The following ADGRL1 variants were observed in gnomAD, a reference collection of about 807,000 sequenced individuals.
The protein encoded by ADGRL1 is CIRL-1.
In ADGRL1, 31 loss-of-function variants were observed where a neutral mutation model predicts 148.9. The ratio of observed to expected loss-of-function variants is 0.21; its 90% CI spans 0.16 to 0.28. ADGRL1 has a LOEUF of 0.28. Among genes scored for constraint, ADGRL1 ranks in the 10% least tolerant of loss-of-function variants. The pLI is 1.00. For synonymous variants in ADGRL1, 937 were observed against 900.3 expected (o/e 1.04, Z -0.73); for missense variants, 1,521 against 2,058.8 (o/e 0.74, Z 5.05).
chr19:14,151,022 A>C lies in ADGRL1; in HGVS notation c.4261T>G (p.Ser1421Ala). 1 of 1,171,130 alleles carries C rather than the reference A, an allele frequency of 8.5e-7. No individual in the cohort carries two copies. The highest frequency in any genetic ancestry group is 1.1e-6 in the Non-Finnish European group (1 of 929,040). 72.5% of individuals were successfully genotyped at this position (1,171,130 alleles called of 1,614,324 possible). Reference sequence around the variant, plus strand: ...CGGGCCACCAGGGCTGGCGGGCGCGAGGTGTAGTAGATTTCGGGGGGGCCG... The same window carrying C: ...CGGGCCACCAGGGCTGGCGGGCGCGCGGTGTAGTAGATTTCGGGGGGGCCG... ...PPGPPEIYYT[S>A]RPPALVARNP... Residue 1421 changes from serine to alanine, a missense_variant, in exon 23 of 23, where the codon TCG becomes GCG. Around this residue, in one of 8 missense-constraint regions of ADGRL1, gnomAD observed 390 missense variants for 375.0 expected, o/e 1.04. Coordinates refer to ENST00000361434, the MANE Select transcript of ADGRL1 (RefSeq NM_014921.5).
chr19:14,160,812 G>C lies in ADGRL1; in HGVS notation c.1511-116C>G. The C allele has an allele frequency of 1.4e-6, 1 of 712,570 alleles. No individual in the cohort carries two copies. The highest frequency in any genetic ancestry group is 2.6e-6 in the Non-Finnish European group (1 of 391,604). 44.1% of individuals were successfully genotyped at this position (712,570 alleles called of 1,614,324 possible). ...TGGGGGACGAGCGGGCGAAGAGGGA[G>C]GTGAGGGAAACACGGAGAAACAGAC... On this transcript the variant is annotated intron_variant, in intron 6 of 22. Transcript: ENST00000361434. This position sits in a 1 kb window ranked among gnomAD's most constrained non-coding sequence, Gnocchi z 5.9.
At chr19:14,202,084 C>G (rs74183067) in intron 1 of ADGRL1, among the ~76,000 whole-genome samples, 25,559 of 151,794 alleles carry the variant, frequency 0.17, 2,465 homozygotes, top group Non-Finnish European at 0.22. Flanking sequence ...GCACACTGGA[C>G]GAGCAACGAG....
intron 3 of ADGRL1, among the ~76,000 whole-genome samples, chr19:14,171,439 C>T (rs538308925): frequency 7.2e-5 from 11 of 152,194 alleles, no homozygotes; most frequent in East Asian, 1.9e-4. Context: ...AGGAGTCACC[C>T]GCTAAACAGT....
chr19:14,199,083 G>A (rs1278950424), intron 1 of ADGRL1, among the ~76,000 whole-genome samples: 1 of 152,216 alleles, frequency 6.6e-6, no homozygotes, highest in East Asian at 1.9e-4. Flanking sequence ...GGGGCATGGT[G>A]CCTAGCAGGG....
intron 4 of ADGRL1, among the ~76,000 whole-genome samples, chr19:14,164,920 CCAGGGCGAGGGCA>C (rs1202649650): frequency 1.6e-4 from 25 of 152,254 alleles, no homozygotes; most frequent in Middle Eastern, 3.4e-3. Context: ...CACACATAGG[CCAGGGCGAGGGCA>C]CAGGGCGAGG....
intron 1 of ADGRL1, among the ~76,000 whole-genome samples, chr19:14,187,605 C>T (rs1317640784): frequency 6.7e-6 from 1 of 149,072 alleles, no homozygotes; most frequent in Non-Finnish European, 1.5e-5. Flanking sequence ...CGCGTCTCCC[C>T]CCACATCCCT....
At position 14,160,835 on chromosome 19, in the gene ADGRL1, G is replaced by T. The variant is rs755059615; in HGVS notation, c.1511-139C>A. 2.3e-5 allele frequency: 16 copies of T among 686,284 alleles called. No homozygotes were observed. The highest frequency in any genetic ancestry group is 1.1e-5 in the Non-Finnish European group (4 of 377,212). 42.5% of individuals were successfully genotyped at this position (686,284 alleles called of 1,614,324 possible). On this transcript the variant is annotated intron_variant, in intron 6 of 22. Coordinates refer to ENST00000361434, the MANE Select transcript of ADGRL1 (RefSeq NM_014921.5). The surrounding 1 kb of genome is among the most constrained non-coding windows in gnomAD (Gnocchi z 5.9). ...GAGGTGAGGGAAACACGGAGAAACA[G>T]ACATGAAGCGGGCTGGACAGTCGAA...
chr19:14,195,288 C>T (rs1156712550), intron 1 of ADGRL1, among the ~76,000 whole-genome samples: 5 of 152,222 alleles, frequency 3.3e-5, no homozygotes, highest in South Asian at 2.1e-4. Context: ...AGGGTCGGTG[C>T]GGCAGGGTGG....
intron 1 of ADGRL1, among the ~76,000 whole-genome samples, chr19:14,184,646 A>ATTTATTTTTTTT (rs1555790748): frequency 4.1e-5 from 4 of 97,732 alleles, no homozygotes; most frequent in South Asian, 3.5e-4. Context: ...TTATTTATTT[A>ATTTATTTTTTTT]TTTTTTTTTC....
chr19:14,181,950 C>CT (rs1394135068), intron 2 of ADGRL1, among the ~76,000 whole-genome samples: 1 of 152,160 alleles, frequency 6.6e-6, no homozygotes. Flanking sequence ...AAGGAAGGGA[C>CT]ATGTTCTGAG....
At position 14,163,052 on chromosome 19, in the gene ADGRL1, T is replaced by A; in HGVS notation, c.749A>T (p.His250Leu). The A allele has an allele frequency of 6.2e-7, 1 of 1,614,110 alleles. No individual in the cohort carries two copies. The highest frequency in any genetic ancestry group is 8.5e-7 in the Non-Finnish European group (1 of 1,180,032). Residue 250 changes from histidine to leucine, a missense_variant, in exon 5 of 23, where the codon CAT (histidine) becomes CTT (leucine). Physicochemically the swap from His to Leu is moderately conservative, Grantham distance 99 (BLOSUM62 -3). Coordinates refer to ENST00000361434, the MANE Select transcript of ADGRL1 (RefSeq NM_014921.5). ...GCCCCAGCGGTAGGGCGAGGTGTCA[T>A]GGTAGTTGGCGGTATTGATGACCGT... ...GETVINTANY[H>L]DTSPYRWGGK...
At chr19:14,163,495 A>G (rs1349627248) in intron 4 of ADGRL1, 89 bp from the exon 5 acceptor site, 27 of 861,904 alleles carry the variant, frequency 3.1e-5, no homozygotes, top group African/African-American at 2.8e-4. Context: ...AGAGAGAGAG[A>G]GAGGGGGGAG....
At position 14,161,415 on chromosome 19, in the gene ADGRL1, C is replaced by A; in HGVS notation, c.1407G>T (p.Val469=). The A allele has an allele frequency of 1.9e-6, 3 of 1,548,748 alleles. No homozygotes were observed. The highest frequency in any genetic ancestry group is 2.4e-5 in the South Asian group (2 of 82,764). Residue 469 remains valine, a synonymous_variant, in exon 6 of 23, where the codon GTG becomes GTT. Transcript: ENST00000361434. The surrounding 1 kb of genome is among the most constrained non-coding windows in gnomAD (Gnocchi z 4.4). Reference sequence around the variant, plus strand: ...GGGGCTCGCAGAAGAGCTCAGGGGACACGTGTAGATTCGGGGCTGGGGGCC... The same window carrying A: ...GGGGCTCGCAGAAGAGCTCAGGGGAAACGTGTAGATTCGGGGCTGGGGGCC... The part of the protein sequence containing the change: ...TRRPPAPNLH[V]SPELFCEPRE...
intron 1 of ADGRL1, among the ~76,000 whole-genome samples, chr19:14,185,626 C>T (rs114097874): frequency 0.01 from 1,592 of 152,262 alleles, 25 homozygotes; most frequent in African/African-American, 0.036. Context: ...GGCCCTGAAG[C>T]GTGGGAACCC....
In ADGRL1 at chr19:14,163,135, CTTG is replaced by C. The variant is rs772061920; in HGVS notation, c.663_665del (p.Asn221del). 6.2e-7 allele frequency: 1 copy of C among 1,614,038 alleles called. No homozygotes were observed. Among genetic ancestry groups the C allele is most frequent in the Non-Finnish European group, 8.5e-7 (1 of 1,180,030 alleles). On this transcript the variant is annotated inframe_deletion, in exon 5 of 23. Coordinates refer to ENST00000361434, the MANE Select transcript of ADGRL1 (RefSeq NM_014921.5). ...ACTTGACGATGTTGCGCGTGCGCTC[CTTG>C]TTGTAGAAGACGGCACCATCGTAGA...
rs549289754 is a variant in ADGRL1 at position 14,148,079 on chromosome 19, G to C, written c.*2794C>G. 1 of 152,952 alleles carries C rather than the reference G, an allele frequency of 6.5e-6. No individual in the cohort carries two copies. Among genetic ancestry groups the C allele is most frequent in the East Asian group, 1.9e-4 (1 of 5,172 alleles). The allele number at this position is 152,952 out of a possible 1,614,324, so 9.5% of individuals were successfully genotyped here. On this transcript the variant is annotated 3_prime_UTR_variant, in exon 23 of 23. Coordinates refer to ENST00000361434, the MANE Select transcript of ADGRL1 (RefSeq NM_014921.5). Reference sequence around the variant, plus strand: ...AAAGAAACCAAAATCCAGAGAAAAAGAATTAACAAGATTTAGGAGCAAACG... The same window carrying C: ...AAAGAAACCAAAATCCAGAGAAAAACAATTAACAAGATTTAGGAGCAAACG...
rs950079580 is a variant in ADGRL1, at chr19:14,149,343, CT to C, written c.*1529del. ...GGAAGGTGATCTCTCACCTTTGCCC[CT>C]CCCCATCCCCCAGACCGCCTTGCCG... is the stretch of plus-strand genomic sequence containing the variant. On this transcript the variant is annotated 3_prime_UTR_variant, in exon 23 of 23. Coordinates refer to ENST00000361434, the MANE Select transcript of ADGRL1 (RefSeq NM_014921.5). 69 of 152,688 alleles carry C rather than the reference CT, an allele frequency of 4.5e-4. No homozygotes were observed. Among genetic ancestry groups the C allele is most frequent in the Admixed American group, 1.4e-3 (22 of 15,300 alleles). The allele number at this position is 152,688 out of a possible 1,614,324, so 9.5% of individuals were successfully genotyped here. A position where few individuals can be genotyped will look rare whatever the true frequency, so the allele number is the denominator to read the frequency against.
intron 3 of ADGRL1, among the ~76,000 whole-genome samples, chr19:14,173,979 G>A (rs971569460): frequency 6.7e-6 from 1 of 150,010 alleles, no homozygotes; most frequent in Non-Finnish European, 1.5e-5. Flanking sequence ...GAGTCTCCAG[G>A]CTTGGTTGTG....
At position 14,150,530 on chromosome 19, in the gene ADGRL1, C is replaced by A. The variant is rs550351083; in HGVS notation, c.*343G>T. 1.4e-4 allele frequency: 39 copies of A among 270,528 alleles called. No homozygotes were observed. The highest frequency in any genetic ancestry group is 1.1e-3 in the Middle Eastern group (1 of 898). The allele number at this position is 270,528 out of a possible 1,614,324, so 16.8% of individuals were successfully genotyped here. On this transcript the variant is annotated 3_prime_UTR_variant, in exon 23 of 23. Transcript: ENST00000361434. ...CCAGGAAACTAAAGCCCTCATTTCC[C>A]TTCACAGGGTAGAAGGGTGGGAGAG...
Sources: allele counts gnomAD v4.1 joint callset (sites outside exome capture counted in the v4.1 genomes callset), GRCh38; gene constraint gnomAD v4.1.1; regional missense constraint gnomAD v4.1.1; non-coding constraint Gnocchi (gnomAD v3.1); transcripts MANE v1.5; gene names NCBI Gene and HGNC (gene_info 2026-07-23, HGNC 2026-07-21).